Variants in NME7 observed in about 807,000 individuals in gnomAD.
NME7 encodes the protein nucleoside diphosphate kinase 7.
A neutral mutation model predicts 49.1 loss-of-function variants in NME7; 41 were observed. The ratio of observed to expected loss-of-function variants is 0.83; its 90% confidence interval spans 0.65 to 1.08. The LOEUF is 1.08. NME7 is among the 50% of genes least tolerant of loss of function. NME7 has a pLI of 0.00. For synonymous variants in NME7, 139 were observed against 150.6 expected, an observed-to-expected ratio of 0.92 and a Z score of 0.56; for missense variants, 423 against 463.4, an observed-to-expected ratio of 0.91 and a Z score of 0.80.
chr1:169,292,046 A>T (rs1216238317), intron 6 of NME7, among the ~76,000 whole-genome samples: 2 of 152,172 alleles, frequency 1.3e-5, no homozygotes, highest in Admixed American at 1.3e-4. Flanking sequence ...CCAGATATAT[A>T]TATTCAATAC....
chr1:169,151,967 T>A (rs1232661871), intron 11 of NME7, among the ~76,000 whole-genome samples: 1 of 152,200 alleles, frequency 6.6e-6, no homozygotes, highest in Non-Finnish European at 1.5e-5. Context: ...GAAACCAGAT[T>A]TGTTAAAGCC....
chr1:169,169,323 T>C, intron 11 of NME7, 124 bp downstream of exon 11: 1 of 790,042 alleles, frequency 1.3e-6, no homozygotes, highest in Non-Finnish European at 2.1e-6. Context: ...AACTGCACTC[T>C]CTGCACATGT....
chr1:169,237,074 A>G (rs1469787668), intron 8 of NME7, among the ~76,000 whole-genome samples: 1 of 152,088 alleles, frequency 6.6e-6, no homozygotes, highest in Non-Finnish European at 1.5e-5. Flanking sequence ...CTAGGAGTGT[A>G]TGAACAACGC....
intron 10 of NME7, among the ~76,000 whole-genome samples, chr1:169,223,274 T>C (rs1661199738): frequency 6.6e-6 from 1 of 152,194 alleles, no homozygotes; most frequent in African/African-American, 2.4e-5. Flanking sequence ...ATCTATGATA[T>C]TCACTTTTAT....
chr1:169,143,561 G>A (rs1658667298), intron 11 of NME7, among the ~76,000 whole-genome samples: 1 of 152,138 alleles, frequency 6.6e-6, no homozygotes, highest in Non-Finnish European at 1.5e-5. Context: ...GTGATTATCT[G>A]ATTAATGTCT....
chr1:169,343,645 C>T (rs1160202933), intron 1 of NME7, among the ~76,000 whole-genome samples: 1 of 152,094 alleles, frequency 6.6e-6, no homozygotes, highest in Non-Finnish European at 1.5e-5. Context: ...GCACATGCCA[C>T]CATGCCTGGC....
chr1:169,242,339 T>C (rs1015722627), intron 7 of NME7, among the ~76,000 whole-genome samples: 1 of 151,934 alleles, frequency 6.6e-6, no homozygotes, highest in Non-Finnish European at 1.5e-5. Context: ...TATATCTGCA[T>C]ATATTGATAC....
At chr1:169,204,477 CTAAAT>C (rs986860675) in intron 10 of NME7, among the ~76,000 whole-genome samples, 141 of 152,142 alleles carry the variant, frequency 9.3e-4, no homozygotes, top group Non-Finnish European at 6.3e-4. Flanking sequence ...ATGCTTCAAA[CTAAAT>C]TACTCAGCCT....
At chr1:169,292,042 A>G (rs549288974) in intron 6 of NME7, among the ~76,000 whole-genome samples, 1 of 152,138 alleles carries the variant, frequency 6.6e-6, no homozygotes, top group Non-Finnish European at 1.5e-5. Flanking sequence ...TGACCCAGAT[A>G]TATATATTCA....
chr1:169,355,892 C>T (rs1176375419), intron 1 of NME7, among the ~76,000 whole-genome samples: 1 of 152,108 alleles, frequency 6.6e-6, no homozygotes, highest in African/African-American at 2.4e-5. Context: ...CAGAACAGTG[C>T]CTGGCACTCA....
At chr1:169,235,625 T>A (rs561769493) in intron 8 of NME7, among the ~76,000 whole-genome samples, 84 of 152,264 alleles carry the variant, frequency 5.5e-4, no homozygotes, top group African/African-American at 1.9e-3. Flanking sequence ...AAGATTTATA[T>A]GCAATATTAA....
chr1:169,320,515 G>C (rs955597577), intron 3 of NME7, among the ~76,000 whole-genome samples: 1 of 152,188 alleles, frequency 6.6e-6, no homozygotes, highest in Non-Finnish European at 1.5e-5. Flanking sequence ...ACAAAACTGA[G>C]AACTAGACTA....
At chr1:169,307,673 A>T (rs1342505056) in intron 4 of NME7, among the ~76,000 whole-genome samples, 1 of 152,176 alleles carries the variant, frequency 6.6e-6, no homozygotes, top group Non-Finnish European at 1.5e-5. Context: ...AAGTATAGAG[A>T]CACTAAACTC....
chr1:169,300,093 T>C (rs1372571618), intron 5 of NME7, among the ~76,000 whole-genome samples: 2 of 152,138 alleles, frequency 1.3e-5, no homozygotes, highest in Admixed American at 1.3e-4. Context: ...TAGATACTGC[T>C]TCATGAAAAT....
intron 10 of NME7, among the ~76,000 whole-genome samples, chr1:169,193,070 G>C (rs1660279503): frequency 6.6e-6 from 1 of 151,914 alleles, no homozygotes; most frequent in African/African-American, 2.4e-5. Context: ...CCAACATTTT[G>C]GGAGCTGAGG....
chr1:169,355,412 C>T (rs78456746), intron 1 of NME7, among the ~76,000 whole-genome samples: 1 of 136,240 alleles, frequency 7.3e-6, no homozygotes, highest in Non-Finnish European at 1.5e-5. Flanking sequence ...GCTATGTACC[C>T]ATAAAAATTT....
At chr1:169,202,444 C>T (rs1246605813) in intron 10 of NME7, among the ~76,000 whole-genome samples, 2 of 152,252 alleles carry the variant, frequency 1.3e-5, no homozygotes, top group Admixed American at 1.3e-4. Context: ...CTGATGCCTC[C>T]CTATAAAACC....
intron 10 of NME7, among the ~76,000 whole-genome samples, chr1:169,223,492 T>C (rs1157103556): frequency 6.6e-6 from 1 of 152,208 alleles, no homozygotes; most frequent in Non-Finnish European, 1.5e-5. Flanking sequence ...GAATAGATTA[T>C]AACGTGTTGC....
chr1:169,319,119 T>C (rs1171085404), intron 3 of NME7, among the ~76,000 whole-genome samples: 1 of 151,984 alleles, frequency 6.6e-6, no homozygotes, highest in African/African-American at 2.4e-5. Flanking sequence ...TCATACATTA[T>C]GATATCCCAA....
Sources: allele counts gnomAD v4.1 joint callset (sites outside exome capture counted in the v4.1 genomes callset), GRCh38; gene constraint gnomAD v4.1.1; transcripts MANE v1.5; gene names NCBI Gene and HGNC (gene_info 2026-07-23, HGNC 2026-07-21).